The following SMARCC1 variants were observed in gnomAD, a reference collection of about 807,000 sequenced individuals.
SMARCC1 encodes the protein SWI/SNF related BAF chromatin remodeling complex subunit C1, also known as SWI/SNF complex subunit SMARCC1.
SMARCC1 carries 43 observed loss-of-function variants against 147.4 expected under a neutral mutation model. The ratio of observed to expected loss-of-function variants is 0.29; its 90% CI spans 0.23 to 0.38. SMARCC1 has a LOEUF of 0.38. Ranked by LOEUF, SMARCC1 falls within the 10% of genes least tolerant of loss-of-function variation. The probability of loss-of-function intolerance (pLI) is 1.00; values close to 1 mark genes in which losing one functional copy is unlikely to be tolerated. For missense variants in SMARCC1, 1,119 were observed against 1,381.1 expected, an observed-to-expected ratio of 0.81 and a Z score of 3.01; for synonymous variants, 495 against 484.4, an observed-to-expected ratio of 1.02 and a Z score of -0.29.
chr3:47,708,083 C>CTTTTTTT lies in SMARCC1; in HGVS notation c.919-1560_919-1554dup, dbSNP rs915291740. Reference sequence around the variant, plus strand: ...GTAAATCTGAAGTTGAATTTTTTTTCTTTTTTTTTTTTTTTTTTTTTTTTT... The same window carrying CTTTTTTT: ...GTAAATCTGAAGTTGAATTTTTTTTCTTTTTTTTTTTTTTTTTTTTTTTTTTTTTTTT... On this transcript the variant is annotated intron_variant, in intron 9 of 27. Coordinates refer to ENST00000254480, the MANE Select transcript of SMARCC1 (RefSeq NM_003074.4). Among the ~76,000 whole-genome samples the CTTTTTTT allele has an allele frequency of 2.1e-3, 138 of 64,330 alleles. 1 individual carries two copies. Among genetic ancestry groups the CTTTTTTT allele is most frequent in the African/African-American group, 4.8e-3 (72 of 15,108 alleles). The allele number at this position is 64,330 out of a possible 152,430, so 42.2% of individuals were successfully genotyped here. A position where few individuals can be genotyped will look rare whatever the true frequency, so the allele number is the denominator to read the frequency against.
At chr3:47,684,740 G>A (rs1269892467) in intron 14 of SMARCC1, among the ~76,000 whole-genome samples, 1 of 152,088 alleles carries the variant, frequency 6.6e-6, no homozygotes, top group Non-Finnish European at 1.5e-5. Flanking sequence ...ACCATGCTGG[G>A]CAATTTTTTT....
intron 5 of SMARCC1, among the ~76,000 whole-genome samples, chr3:47,735,403 C>T (rs768347220): frequency 2.0e-5 from 3 of 152,044 alleles, no homozygotes; most frequent in Non-Finnish European, 2.9e-5. Flanking sequence ...ATAATCAATC[C>T]TAATACTTTG....
intron 11 of SMARCC1, among the ~76,000 whole-genome samples, chr3:47,700,316 T>C (rs2033900929): frequency 6.6e-6 from 1 of 152,106 alleles, no homozygotes; most frequent in Non-Finnish European, 1.5e-5. Context: ...CTGATATATA[T>C]AGTCTCTTAT....
intron 1 of SMARCC1, among the ~76,000 whole-genome samples, chr3:47,775,963 C>A (rs2034969956): frequency 6.6e-6 from 1 of 150,604 alleles, no homozygotes; most frequent in Admixed American, 6.6e-5. Flanking sequence ...GCCTGGCCAA[C>A]ATAGTGAAAC....
intron 1 of SMARCC1, among the ~76,000 whole-genome samples, chr3:47,778,693 CAAGT>C (rs1228550042): frequency 6.6e-6 from 1 of 152,034 alleles, no homozygotes; most frequent in East Asian, 1.9e-4. Context: ...CAAAATATTT[CAAGT>C]AAGAGTCAGT....
At chr3:47,713,740 CTT>C (rs998939733) in intron 8 of SMARCC1, among the ~76,000 whole-genome samples, 16 of 152,124 alleles carry the variant, frequency 1.1e-4, no homozygotes, top group Non-Finnish European at 2.1e-4. Flanking sequence ...TGTATGGACT[CTT>C]ATTACATTAT....
intron 9 of SMARCC1, among the ~76,000 whole-genome samples, chr3:47,709,040 C>T (rs575863118): frequency 1.4e-4 from 22 of 152,252 alleles, no homozygotes; most frequent in Non-Finnish European, 2.8e-4. Flanking sequence ...GCCGGTGGAT[C>T]AACTGAGGTC....
chr3:47,599,405 C>A (rs1487148741), intron 26 of SMARCC1, among the ~76,000 whole-genome samples: 1 of 152,178 alleles, frequency 6.6e-6, no homozygotes, highest in Non-Finnish European at 1.5e-5. Flanking sequence ...ATAGCAGCCT[C>A]AGGAAACTAC....
intron 8 of SMARCC1, among the ~76,000 whole-genome samples, chr3:47,713,728 A>C (rs191426489): frequency 6.6e-6 from 1 of 152,274 alleles, no homozygotes; most frequent in Admixed American, 6.5e-5. Flanking sequence ...ATTAAAAGTC[A>C]ATGTATGGAC....
intron 21 of SMARCC1, among the ~76,000 whole-genome samples, chr3:47,643,075 T>C (rs1322300117): frequency 1.3e-5 from 2 of 152,086 alleles, no homozygotes; most frequent in African/African-American, 4.8e-5. Flanking sequence ...ATAACTGGAA[T>C]TTCCTAAAAT....
intron 7 of SMARCC1, among the ~76,000 whole-genome samples, chr3:47,719,517 A>G (rs1005191340): frequency 5.3e-5 from 8 of 151,862 alleles, no homozygotes; most frequent in South Asian, 2.1e-4. Flanking sequence ...CCTGACCAGC[A>G]TGGTGAAACC....
At position 47,622,668 on chromosome 3, in the gene SMARCC1, T is replaced by C. The variant is rs78798879; in HGVS notation, c.2647-327A>G. On this transcript the variant is annotated intron_variant, in intron 24 of 27. Coordinates refer to ENST00000254480, the MANE Select transcript of SMARCC1 (RefSeq NM_003074.4). Reference sequence around the variant, plus strand: ...GCCACCTACCACCCCATCCTGGCACTCGGTCTGTCCCCTCACTATCCTTTC... The same window carrying C: ...GCCACCTACCACCCCATCCTGGCACCCGGTCTGTCCCCTCACTATCCTTTC... 1.4e-3 allele frequency among the ~76,000 whole-genome samples: 206 copies of C among 152,260 alleles called. 1 individual carries two copies. Among genetic ancestry groups the C allele is most frequent in the African/African-American group, 4.7e-3 (194 of 41,554 alleles).
At chr3:47,753,305 A>G (rs2034648019) in intron 2 of SMARCC1, among the ~76,000 whole-genome samples, 1 of 148,882 alleles carries the variant, frequency 6.7e-6, no homozygotes, top group East Asian at 2.0e-4. Context: ...AGCCTGGGCA[A>G]CAGAGCGAGA....
intron 23 of SMARCC1, 37 bp downstream of exon 23, chr3:47,635,985 T>G (rs759413025): frequency 3.0e-6 from 3 of 1,011,192 alleles, no homozygotes; most frequent in Middle Eastern, 2.2e-4. Flanking sequence ...CTTTTACAGT[T>G]TTACATAATA....
intron 15 of SMARCC1, among the ~76,000 whole-genome samples, chr3:47,678,948 A>G (rs1424852007): frequency 6.6e-6 from 1 of 152,228 alleles, no homozygotes; most frequent in Non-Finnish European, 1.5e-5. Context: ...TTCTCACAGC[A>G]GTTCTTTAAG....
chr3:47,687,660 G>A (rs1173008946), intron 13 of SMARCC1, among the ~76,000 whole-genome samples: 1 of 152,182 alleles, frequency 6.6e-6, no homozygotes, highest in Non-Finnish European at 1.5e-5. Context: ...TTGATGCAGA[G>A]TATCCTTGTG....
At chr3:47,615,223 C>T (rs2032621539) in intron 25 of SMARCC1, among the ~76,000 whole-genome samples, 1 of 152,188 alleles carries the variant, frequency 6.6e-6, no homozygotes, top group South Asian at 2.1e-4. Flanking sequence ...CCTTAATTCA[C>T]TCATGGTTTC....
intron 2 of SMARCC1, among the ~76,000 whole-genome samples, chr3:47,750,808 A>G (rs1302502902): frequency 6.6e-6 from 1 of 152,182 alleles, no homozygotes; most frequent in Non-Finnish European, 1.5e-5. Flanking sequence ...GGCCATAACA[A>G]TAAAACATCT....
intron 16 of SMARCC1, 72 bp from the exon 17 acceptor site, chr3:47,676,854 C>T (rs2033581185): frequency 2.3e-6 from 3 of 1,301,214 alleles, no homozygotes; most frequent in Non-Finnish European, 3.3e-6. Context: ...ATCATCATGC[C>T]ATTAAAAAAC....
Sources: allele counts gnomAD v4.1 joint callset (sites outside exome capture counted in the v4.1 genomes callset), GRCh38; gene constraint gnomAD v4.1.1; transcripts MANE v1.5; gene names NCBI Gene and HGNC (gene_info 2026-07-23, HGNC 2026-07-21).